The following LOXHD1 variants were observed in gnomAD, a reference collection of about 807,000 sequenced individuals.
LOXHD1 encodes the protein lipoxygenase homology PLAT domains 1.
In LOXHD1, 205 loss-of-function variants were observed where a neutral mutation model predicts 248.2. That is an observed-to-expected ratio of 0.83 (90% CI 0.74 to 0.93). The LOEUF (loss-of-function observed/expected upper bound fraction) is 0.93, where lower values mean the gene tolerates loss of function less well. LOXHD1 is among the 40% of genes least tolerant of loss of function. The pLI is 0.00. For synonymous variants in LOXHD1, 1,113 were observed against 1,162.8 expected (o/e 0.96, Z 0.87); for missense variants, 2,930 against 2,971.6 (o/e 0.99, Z 0.33).
chr18:46,581,510 T>C (rs1053519920), intron 12 of LOXHD1, among the ~76,000 whole-genome samples: 2 of 152,154 alleles, frequency 1.3e-5, no homozygotes. Flanking sequence ...TGAATATGTG[T>C]CTGGAGGGTC....
At chr18:46,648,922 C>T (rs2039070269) in intron 2 of LOXHD1, among the ~76,000 whole-genome samples, 1 of 152,190 alleles carries the variant, frequency 6.6e-6, no homozygotes, top group East Asian at 1.9e-4. Context: ...CTTGGGAATT[C>T]TGAGATCCAT....
intron 2 of LOXHD1, 144 bp from the exon 3 acceptor site, chr18:46,642,180 C>T: frequency 1.3e-6 from 1 of 762,962 alleles, no homozygotes; most frequent in Non-Finnish European, 2.2e-6. Context: ...TCCAAGATTC[C>T]CTTCTGACAT....
intron 20 of LOXHD1, among the ~76,000 whole-genome samples, chr18:46,558,293 A>C (rs766524339): frequency 9.2e-5 from 14 of 152,200 alleles, no homozygotes; most frequent in Non-Finnish European, 1.9e-4. Flanking sequence ...ATGATTCTTC[A>C]TCCCTAAATT....
At chr18:46,641,881 A>G in intron 3 of LOXHD1, 75 bp downstream of exon 3, 1 of 1,405,846 alleles carries the variant, frequency 7.1e-7, no homozygotes, top group Non-Finnish European at 9.8e-7. Flanking sequence ...ATTCATACCC[A>G]GAAATTGTCA....
chr18:46,545,479 G>T (rs1598965829), intron 22 of LOXHD1, 58 bp from the exon 23 acceptor site: 1 of 1,314,366 alleles, frequency 7.6e-7, no homozygotes, highest in South Asian at 1.3e-5. Context: ...ATGAAAGGAG[G>T]AAAGAGGACA....
At chr18:46,537,129 A>G (rs1420922911) in intron 26 of LOXHD1, among the ~76,000 whole-genome samples, 2 of 151,978 alleles carry the variant, frequency 1.3e-5, no homozygotes, top group Non-Finnish European at 1.5e-5. Context: ...TTCAGATCCA[A>G]CTCAAAGCCA....
intron 14 of LOXHD1, among the ~76,000 whole-genome samples, chr18:46,572,381 G>C (rs1469909976): frequency 1.3e-5 from 2 of 152,208 alleles, no homozygotes; most frequent in Non-Finnish European, 2.9e-5. Flanking sequence ...GGAGGGCAGG[G>C]AACTCCTTGG....
chr18:46,578,689 A>C (rs1282646071), intron 13 of LOXHD1, among the ~76,000 whole-genome samples: 1 of 152,194 alleles, frequency 6.6e-6, no homozygotes, highest in African/African-American at 2.4e-5. Context: ...AAGGAGATAG[A>C]GCAGTTGTCT....
At chr18:46,588,066 G>A (rs1023979787) in intron 12 of LOXHD1, among the ~76,000 whole-genome samples, 3 of 152,068 alleles carry the variant, frequency 2.0e-5, no homozygotes, top group Admixed American at 6.5e-5. Flanking sequence ...TTTCCAGGAC[G>A]TCTTTACACA....
intron 36 of LOXHD1, among the ~76,000 whole-genome samples, chr18:46,507,189 G>T (rs1310451856): frequency 1.3e-5 from 2 of 152,174 alleles, no homozygotes; most frequent in African/African-American, 4.8e-5. Context: ...CAAGCACATG[G>T]GTCCGAGCAT....
chr18:46,598,022 C>T (rs1306564645), intron 8 of LOXHD1, among the ~76,000 whole-genome samples: 1 of 151,934 alleles, frequency 6.6e-6, no homozygotes, highest in African/African-American at 2.4e-5. Context: ...CCGCCTCGGC[C>T]TCCAAAAGTG....
intron 23 of LOXHD1, among the ~76,000 whole-genome samples, chr18:46,543,173 C>G (rs1413522166): frequency 6.6e-6 from 1 of 152,180 alleles, no homozygotes; most frequent in Admixed American, 6.5e-5. Context: ...CCCTTCCCAA[C>G]CTTCCCACAA....
intron 4 of LOXHD1, among the ~76,000 whole-genome samples, chr18:46,620,228 T>A (rs1228119528): frequency 6.6e-6 from 1 of 152,200 alleles, no homozygotes; most frequent in Non-Finnish European, 1.5e-5. Context: ...TGGCAGTGCC[T>A]CTGAGAACAT....
At chr18:46,500,193 T>C (rs1338186636) in intron 37 of LOXHD1, among the ~76,000 whole-genome samples, 1 of 152,214 alleles carries the variant, frequency 6.6e-6, no homozygotes, top group Non-Finnish European at 1.5e-5. Context: ...CAAGCTGCAC[T>C]TTCTCCATAG....
intron 12 of LOXHD1, among the ~76,000 whole-genome samples, chr18:46,590,283 A>G (rs1469408837): frequency 6.6e-6 from 1 of 152,112 alleles, no homozygotes; most frequent in Non-Finnish European, 1.5e-5. Flanking sequence ...ATGCATGCTG[A>G]GGTTTGAGAA....
intron 4 of LOXHD1, 116 bp from the exon 5 acceptor site, chr18:46,618,406 C>T: frequency 1.4e-6 from 1 of 698,912 alleles, no homozygotes; most frequent in African/African-American, 1.8e-5. Flanking sequence ...TAAATTGTCA[C>T]CATTACTGTC....
At position 46,560,415 on chromosome 18, in the gene LOXHD1, G is replaced by T. The variant is rs534815867; in HGVS notation, c.2729C>A (p.Pro910Gln). ...HLVVREVDLT[P>Q]EEEARKKKEK... ...CTTCTTCTTCCGGGCCTCCTCCTCC[G>T]GCGTGAGGTCCACCTCCCGCACCAC... Residue 910 changes from proline to glutamine, a missense_variant, in exon 19 of 41, where the codon CCG (proline) becomes CAG (glutamine). Pro to Gln is a moderately conservative substitution (Grantham distance 76). Coordinates refer to ENST00000642948, the MANE Select transcript of LOXHD1 (RefSeq NM_001384474.1). 1 of 1,548,366 alleles carries T rather than the reference G, an allele frequency of 6.5e-7. No individual in the cohort carries two copies. Among genetic ancestry groups the T allele is most frequent in the Non-Finnish European group, 8.7e-7 (1 of 1,147,372 alleles).
chr18:46,482,673 C>T (rs950413855), intron 40 of LOXHD1, among the ~76,000 whole-genome samples: 1 of 152,230 alleles, frequency 6.6e-6, no homozygotes, highest in African/African-American at 2.4e-5. Context: ...GAAGCTTGGC[C>T]TCCTGAGGGC....
chr18:46,580,701 T>C (rs577944668), intron 12 of LOXHD1, among the ~76,000 whole-genome samples: 1 of 152,350 alleles, frequency 6.6e-6, no homozygotes, highest in South Asian at 2.1e-4. Context: ...TTTTGTTATA[T>C]CTGTAACTAA....
Sources: gnomAD v4.1 joint callset for allele counts (sites outside exome capture counted in the v4.1 genomes callset) on GRCh38, gnomAD v4.1.1 for gene constraint, MANE v1.5 for transcripts, NCBI Gene and HGNC (gene_info 2026-07-23, HGNC 2026-07-21) for gene names.